Variants in ANKRD30BL observed in about 807,000 individuals in gnomAD.
ANKRD30BL encodes the protein putative ankyrin repeat domain-containing protein 30B-like.
A neutral mutation model predicts 18.4 loss-of-function variants in ANKRD30BL; 20 were observed. That is an observed-to-expected ratio of 1.09 (90% CI 0.77 to 1.58). The LOEUF is 1.58. ANKRD30BL is among the 40% of genes most tolerant of loss of function. ANKRD30BL has a pLI of 0.00. For synonymous variants in ANKRD30BL, 72 were observed against 100.9 expected (o/e 0.71, Z 1.72); for missense variants, 224 against 268.6 (o/e 0.83, Z 1.16).
intron 1 of ANKRD30BL, among the ~76,000 whole-genome samples, chr2:132,209,006 T>C (rs1318269228): frequency 3.3e-5 from 5 of 152,244 alleles, no homozygotes; most frequent in Admixed American, 2.0e-4. Flanking sequence ...AAAGTAAATA[T>C]CTTCACATCA....
At position 132,211,019 on chromosome 2, in the gene ANKRD30BL, A is replaced by G. The variant is rs148669947; in HGVS notation, n.441+46510T>C. Among the ~76,000 whole-genome samples, 301 of 82,692 alleles carry G rather than the reference A, an allele frequency of 3.6e-3. 1 individual carries two copies. Among genetic ancestry groups the G allele is most frequent in the African/African-American group, 0.013 (291 of 22,958 alleles). 54.2% of individuals were successfully genotyped at this position (82,692 alleles called of 152,430 possible). A position where few individuals can be genotyped will look rare whatever the true frequency, so the allele number is the denominator to read the frequency against. On this transcript the variant is annotated intron_variant and non_coding_transcript_variant, in intron 1 of 4. Coordinates refer to the ANKRD30BL transcript ENST00000470729. Reference sequence around the variant, plus strand: ...TGGAATCTGCAAGTGGATATTTTTAACACTTGACAGCCTATGGTGGAAAAG... The same window carrying G: ...TGGAATCTGCAAGTGGATATTTTTAGCACTTGACAGCCTATGGTGGAAAAG...
intron 1 of ANKRD30BL, among the ~76,000 whole-genome samples, chr2:132,175,582 C>A (rs1688353818): frequency 6.6e-6 from 1 of 152,234 alleles, no homozygotes; most frequent in East Asian, 1.9e-4. Context: ...TAATCCACCT[C>A]AGCACAGACC....
chr2:132,209,715 A>G (rs921072283), intron 1 of ANKRD30BL, among the ~76,000 whole-genome samples: 1 of 152,144 alleles, frequency 6.6e-6, no homozygotes, highest in Non-Finnish European at 1.5e-5. Flanking sequence ...AAGCGTTCTG[A>G]GAAAGTTCTT....
chr2:132,149,090 C>A (rs1687690088), intron 5 of ANKRD30BL, among the ~76,000 whole-genome samples: 1 of 152,200 alleles, frequency 6.6e-6, no homozygotes. Flanking sequence ...CTGCAACTTG[C>A]AAAATCTAAC....
chr2:132,222,856 A>AAAAAAAAAAAAAAC, intron 1 of ANKRD30BL, among the ~76,000 whole-genome samples: 1 of 148,234 alleles, frequency 6.7e-6, no homozygotes, highest in Non-Finnish European at 1.5e-5. Flanking sequence ...AAAAAAAAAA[A>AAAAAAAAAAAAAAC]AAAAAAAAGA....
chr2:132,170,407 G>A (rs1377029328), intron 1 of ANKRD30BL, among the ~76,000 whole-genome samples: 1 of 152,170 alleles, frequency 6.6e-6, no homozygotes, highest in South Asian at 2.1e-4. Context: ...CCTCCGTCCT[G>A]GAACAGAAGA....
intron 1 of ANKRD30BL, among the ~76,000 whole-genome samples, chr2:132,212,753 C>CT (rs1182155412): frequency 1.3e-5 from 2 of 150,714 alleles, no homozygotes; most frequent in African/African-American, 4.9e-5. Context: ...TTTTTGTAGA[C>CT]TCTGCAAGTG....
chr2:132,218,166 T>C (rs1390613705), intron 1 of ANKRD30BL, among the ~76,000 whole-genome samples: 1 of 152,276 alleles, frequency 6.6e-6, no homozygotes, highest in African/African-American at 2.4e-5. Flanking sequence ...TTTTGTGATG[T>C]GTGCATTCAA....
chr2:132,174,635 C>T (rs534993214), intron 1 of ANKRD30BL, among the ~76,000 whole-genome samples: 32 of 152,252 alleles, frequency 2.1e-4, no homozygotes, highest in South Asian at 4.1e-4. Flanking sequence ...CTACAAGAGG[C>T]GGCTAAATAT....
At chr2:132,194,922 A>AT (rs1332795895) in intron 1 of ANKRD30BL, among the ~76,000 whole-genome samples, 4 of 152,266 alleles carry the variant, frequency 2.6e-5, no homozygotes, top group Admixed American at 6.5e-5. Flanking sequence ...TGCTAGGAAT[A>AT]TTTTTTGTAA....
At chr2:132,180,398 G>A (rs1441183791) in intron 1 of ANKRD30BL, among the ~76,000 whole-genome samples, 3 of 152,154 alleles carry the variant, frequency 2.0e-5, no homozygotes, top group Non-Finnish European at 4.4e-5. Flanking sequence ...TCCCGTCTAT[G>A]TTTGTGTAAG....
chr2:132,242,636 T>A, intron 1 of ANKRD30BL, among the ~76,000 whole-genome samples: 1 of 151,886 alleles, frequency 6.6e-6, no homozygotes, highest in Non-Finnish European at 1.5e-5. Flanking sequence ...TACAGCAGTT[T>A]TGAAACACTC....
intron 1 of ANKRD30BL, among the ~76,000 whole-genome samples, chr2:132,239,344 G>T (rs1680248410): frequency 6.6e-6 from 1 of 151,846 alleles, no homozygotes; most frequent in South Asian, 2.1e-4. Context: ...TCTTTGTGAT[G>T]CTTGAATTCA....
intron 1 of ANKRD30BL, among the ~76,000 whole-genome samples, chr2:132,191,891 A>G (rs969961393): frequency 1.7e-4 from 26 of 151,754 alleles, no homozygotes; most frequent in Non-Finnish European, 3.2e-4. Context: ...ACAGGCTCTC[A>G]CCACCACGCC....
intron 1 of ANKRD30BL, among the ~76,000 whole-genome samples, chr2:132,176,164 C>T (rs182079745): frequency 1.1e-3 from 161 of 152,098 alleles, no homozygotes; most frequent in African/African-American, 3.6e-3. Flanking sequence ...CAGGTGGAGG[C>T]GGGCAGATCA....
At chr2:132,177,161 T>A (rs566353828) in intron 1 of ANKRD30BL, among the ~76,000 whole-genome samples, 29 of 152,224 alleles carry the variant, frequency 1.9e-4, no homozygotes, top group Admixed American at 1.7e-3. Flanking sequence ...CTATTTTTTT[T>A]TTTTTATTTT....
At chr2:132,179,346 TG>T (rs1688419658) in intron 1 of ANKRD30BL, among the ~76,000 whole-genome samples, 1 of 151,374 alleles carries the variant, frequency 6.6e-6, no homozygotes, top group Non-Finnish European at 1.5e-5. Flanking sequence ...GGAGTTGCCA[TG>T]GTGTGATATC....
chr2:132,221,564 C>T (rs1263072754), intron 1 of ANKRD30BL, among the ~76,000 whole-genome samples: 16 of 136,310 alleles, frequency 1.2e-4, no homozygotes, highest in African/African-American at 4.6e-4. Flanking sequence ...AGCCCCCCGC[C>T]CGGCCAGCCG....
chr2:132,209,372 G>C lies in ANKRD30BL; in HGVS notation n.441+48157C>G, dbSNP rs548175619. Among the ~76,000 whole-genome samples the C allele has an allele frequency of 8.9e-4, 134 of 150,686 alleles. 1 individual carries two copies. The South Asian group carries it at 0.011, about 13-fold the overall frequency. On this transcript the variant is annotated intron_variant and non_coding_transcript_variant, in intron 1 of 4. Coordinates refer to the ANKRD30BL transcript ENST00000470729. ...CTTAAAAACTAGACAGAAGCATTCT[G>C]AGAAACTTCTTTGTGATGTGTGCAT...
Sources: gnomAD v4.1 joint callset for allele counts (sites outside exome capture counted in the v4.1 genomes callset) on GRCh38, gnomAD v4.1.1 for gene constraint, MANE v1.5 for transcripts, NCBI Gene and HGNC (gene_info 2026-07-23, HGNC 2026-07-21) for gene names.